The following SLC9B1 variants were observed in gnomAD, a reference collection of about 807,000 sequenced individuals.
SLC9B1 encodes the protein solute carrier family 9 member B1.
SLC9B1 carries 32 observed loss-of-function variants against 51.7 expected under a neutral mutation model. That is an observed-to-expected ratio of 0.62 (90% CI 0.47 to 0.83). The LOEUF (loss-of-function observed/expected upper bound fraction) is 0.83. SLC9B1 is among the 40% of genes least tolerant of loss of function. The pLI is 0.00. For missense variants in SLC9B1, 406 were observed against 613.2 expected, an observed-to-expected ratio of 0.66 and a Z score of 3.57; for synonymous variants, 145 against 212.7, an observed-to-expected ratio of 0.68 and a Z score of 2.77.
intron 7 of SLC9B1, among the ~76,000 whole-genome samples, chr4:102,916,647 C>T (rs1473122260): frequency 6.6e-6 from 1 of 152,212 alleles, no homozygotes; most frequent in African/African-American, 2.4e-5. Context: ...TTCTCAAGTA[C>T]ATACCAAGAC....
chr4:102,911,830 CTT>C (rs1735351980), intron 7 of SLC9B1, among the ~76,000 whole-genome samples: 1 of 152,002 alleles, frequency 6.6e-6, no homozygotes, highest in Non-Finnish European at 1.5e-5. Context: ...ACATAGCCAA[CTT>C]AAAAGACAGA....
At chr4:102,887,519 T>G in intron 11 of SLC9B1, 2 of 722,230 alleles carry the variant, frequency 2.8e-6, no homozygotes, top group Non-Finnish European at 4.9e-6. Flanking sequence ...CAATTATTTC[T>G]TCCAATTTAT....
intron 11 of SLC9B1, chr4:102,887,718 A>C (rs1033098251): frequency 4.5e-6 from 1 of 221,496 alleles, no homozygotes. Context: ...GTTTCTTTGA[A>C]TATCAATATT....
intron 7 of SLC9B1, among the ~76,000 whole-genome samples, chr4:102,917,979 G>A (rs1735666548): frequency 6.7e-6 from 1 of 149,006 alleles, no homozygotes; most frequent in African/African-American, 2.5e-5. Flanking sequence ...TGAGGCAGGA[G>A]AGTCACTTGA....
chr4:102,981,339 T>C (rs1353744380), intron 3 of SLC9B1, among the ~76,000 whole-genome samples: 1 of 152,180 alleles, frequency 6.6e-6, no homozygotes, highest in African/African-American at 2.4e-5. Context: ...TTGTGCGGAC[T>C]TAAGTTTTCA....
intron 3 of SLC9B1, among the ~76,000 whole-genome samples, chr4:102,987,543 T>C (rs747057158): frequency 8.5e-5 from 13 of 152,132 alleles, no homozygotes; most frequent in Non-Finnish European, 1.8e-4. Context: ...AAAACATGTG[T>C]AGGTTAGGCT....
chr4:102,913,836 T>C (rs1735463036), intron 7 of SLC9B1, among the ~76,000 whole-genome samples: 1 of 144,690 alleles, frequency 6.9e-6, no homozygotes, highest in Admixed American at 6.8e-5. Context: ...ACAGAAACTC[T>C]GAAGCTAAGG....
intron 6 of SLC9B1, among the ~76,000 whole-genome samples, chr4:102,942,359 C>T (rs930345153): frequency 1.3e-5 from 2 of 152,030 alleles, no homozygotes; most frequent in Admixed American, 6.6e-5. Flanking sequence ...AAAAATAGCC[C>T]GCATAACCAA....
At chr4:102,984,029 G>A (rs1739492316) in intron 3 of SLC9B1, among the ~76,000 whole-genome samples, 1 of 151,836 alleles carries the variant, frequency 6.6e-6, no homozygotes, top group Non-Finnish European at 1.5e-5. Flanking sequence ...AATGCTATAA[G>A]TTTCCTTCTA....
intron 6 of SLC9B1, among the ~76,000 whole-genome samples, chr4:102,937,439 A>C (rs1578362174): frequency 6.8e-6 from 1 of 146,774 alleles, no homozygotes; most frequent in African/African-American, 2.5e-5. Context: ...AAAAAAAAAA[A>C]AACTTGGCTG....
intron 1 of SLC9B1, among the ~76,000 whole-genome samples, chr4:102,998,681 C>T (rs772489782): frequency 5.3e-5 from 8 of 151,822 alleles, no homozygotes; most frequent in Non-Finnish European, 1.2e-4. Flanking sequence ...TCTCCACATG[C>T]AGGCAAACAC....
At chr4:102,955,841 GAGAGAAAGAAAGAA>G (rs1429648999) in intron 3 of SLC9B1, among the ~76,000 whole-genome samples, 1 of 138,440 alleles carries the variant, frequency 7.2e-6, no homozygotes, top group African/African-American at 2.8e-5. Context: ...AAGAAAGAGA[GAGAGAAAGAAAGAA>G]AGAAAGAAAG....
intron 1 of SLC9B1, among the ~76,000 whole-genome samples, chr4:103,018,148 T>G (rs1342903151): frequency 6.6e-6 from 1 of 152,208 alleles, no homozygotes. Context: ...CAGAAGTGTT[T>G]AAACAGGATG....
At chr4:102,938,019 A>C (rs537208632) in intron 6 of SLC9B1, among the ~76,000 whole-genome samples, 2 of 152,134 alleles carry the variant, frequency 1.3e-5, no homozygotes, top group African/African-American at 4.8e-5. Context: ...CAAAGCTATA[A>C]ATATCAATAT....
intron 2 of SLC9B1, among the ~76,000 whole-genome samples, chr4:102,990,662 G>C (rs1034781104): frequency 1.3e-5 from 2 of 151,868 alleles, no homozygotes; most frequent in East Asian, 3.9e-4. Context: ...TGTCATGGGT[G>C]GGTGGGTGTG....
At chr4:102,904,359 C>G (rs571210136) in intron 11 of SLC9B1, among the ~76,000 whole-genome samples, 20 of 152,096 alleles carry the variant, frequency 1.3e-4, no homozygotes, top group African/African-American at 3.9e-4. Context: ...CATGCCTGGC[C>G]TGTGTCTCTA....
In SLC9B1 at chr4:102,901,138, C is replaced by A. The variant is rs775180672; in HGVS notation, c.1527G>T (p.Leu509Phe). 1 of 1,611,006 alleles carries A rather than the reference C, an allele frequency of 6.2e-7. No homozygotes were observed. Reference protein sequence around the residue: ...HYDPSKIKLQLSTLEHH With the variant: ...HYDPSKIKLQFSTLEHH ...CTTTTTAATGATGTTCTAATGTTGA[C>A]AACTGCAGTTTTATTTTGCTTGGAT... Residue 509 changes from leucine to phenylalanine, a missense_variant, in exon 12 of 12, where the codon TTG (leucine) becomes TTT (phenylalanine). Leu to Phe is a conservative substitution (Grantham distance 22, BLOSUM62 0). Coordinates refer to ENST00000296422, the MANE Select transcript of SLC9B1 (RefSeq NM_139173.4).
chr4:102,986,395 T>C (rs150716889), intron 3 of SLC9B1, among the ~76,000 whole-genome samples: 16 of 152,282 alleles, frequency 1.1e-4, no homozygotes, highest in African/African-American at 3.8e-4. Flanking sequence ...TCTTTCAAGA[T>C]TTTTTCTTTA....
At chr4:102,958,065 C>T (rs1737898159) in intron 3 of SLC9B1, among the ~76,000 whole-genome samples, 1 of 152,146 alleles carries the variant, frequency 6.6e-6, no homozygotes, top group Non-Finnish European at 1.5e-5. Context: ...CTAAGTAACA[C>T]AATGAAACTC....
Sources: gnomAD v4.1 joint callset for allele counts (sites outside exome capture counted in the v4.1 genomes callset) on GRCh38, gnomAD v4.1.1 for gene constraint, MANE v1.5 for transcripts, NCBI Gene and HGNC (gene_info 2026-07-23, HGNC 2026-07-21) for gene names.